The following POU2AF3 variants were observed in gnomAD, a reference collection of about 807,000 sequenced individuals.
POU2AF3 encodes cancer susceptibility candidate 13.
the POU2AF3 span, chr11:111,306,593 G>A: frequency 6.4e-7 from 1 of 1,551,652 alleles, no homozygotes; most frequent in East Asian, 2.4e-5. Flanking sequence ...ACAGCTTCCA[G>A]GCCACCCCTT....
the POU2AF3 span, chr11:111,306,725 C>A: frequency 1.1e-6 from 1 of 872,392 alleles, no homozygotes; most frequent in Non-Finnish European, 1.8e-6. Context: ...CAAAAACTAT[C>A]AGCAAGGAAA....
chr11:111,304,346 C>T, the POU2AF3 span, among the ~76,000 whole-genome samples: 2 of 152,054 alleles, frequency 1.3e-5, no homozygotes, highest in Admixed American at 6.5e-5. Flanking sequence ...AATTTTAAAT[C>T]GAATAGTTTA....
the POU2AF3 span, chr11:111,298,824 A>AGGGGGGGGGGGGGG: frequency 4.4e-6 from 4 of 903,144 alleles, no homozygotes; most frequent in Non-Finnish European, 5.8e-6. Flanking sequence ...CGCGTACCCC[A>AGGGGGGGGGGGGGG]GGCCCCCGCC....
the POU2AF3 span, chr11:111,300,115 A>G: frequency 2.6e-6 from 1 of 380,178 alleles, no homozygotes; most frequent in Non-Finnish European, 4.7e-6. Context: ...CCCCTGCCCC[A>G]GGCCTGGCCC....
chr11:111,305,059 C>A, the POU2AF3 span: 6 of 939,932 alleles, frequency 6.4e-6, no homozygotes, highest in South Asian at 5.4e-5. Flanking sequence ...AGTCTTGATT[C>A]AGGGGTTAAG....
At chr11:111,303,735 G>GT in the POU2AF3 span, among the ~76,000 whole-genome samples, 1 of 152,168 alleles carries the variant, frequency 6.6e-6, no homozygotes, top group Non-Finnish European at 1.5e-5. Flanking sequence ...ACTGCCTCCT[G>GT]TTTCAGCAGT....
the POU2AF3 span, among the ~76,000 whole-genome samples, chr11:111,300,904 C>T: frequency 1.3e-5 from 2 of 152,218 alleles, no homozygotes; most frequent in East Asian, 3.9e-4. Flanking sequence ...GGGGGAGGAG[C>T]GGCCAGCAGG....
the POU2AF3 span, chr11:111,300,361 C>A: frequency 5.6e-6 from 2 of 359,176 alleles, no homozygotes; most frequent in Admixed American, 4.7e-5. Context: ...TTCATTCTTT[C>A]AAGTTTGAAA....
At chr11:111,299,854 G>T in the POU2AF3 span, 8 of 642,900 alleles carry the variant, frequency 1.2e-5, no homozygotes, top group Non-Finnish European at 1.6e-5. Context: ...AGAAGGGAGC[G>T]AGGGAGGGAG....
the POU2AF3 span, chr11:111,298,996 C>A: frequency 2.0e-6 from 2 of 998,030 alleles, no homozygotes; most frequent in Non-Finnish European, 2.4e-6. Context: ...TGCGCGGACC[C>A]CGAGGGGCGC....
At chr11:111,303,555 G>A in the POU2AF3 span, among the ~76,000 whole-genome samples, 3 of 152,252 alleles carry the variant, frequency 2.0e-5, no homozygotes, top group African/African-American at 2.4e-5. Flanking sequence ...AGGCCAATCC[G>A]GGGGAGGAAT....
chr11:111,300,731 C>G, the POU2AF3 span: 4 of 452,440 alleles, frequency 8.8e-6, no homozygotes, highest in Non-Finnish European at 1.4e-5. Context: ...CATTCCCAGA[C>G]CTGGCCTTCC....
At chr11:111,301,995 T>C in the POU2AF3 span, among the ~76,000 whole-genome samples, 1 of 152,144 alleles carries the variant, frequency 6.6e-6, no homozygotes, top group Non-Finnish European at 1.5e-5. Flanking sequence ...TGTGCAGAAT[T>C]TCAGGTAACG....
At chr11:111,299,710 C>T in the POU2AF3 span, 1 of 1,232,008 alleles carries the variant, frequency 8.1e-7, no homozygotes, top group Non-Finnish European at 1.0e-6. Flanking sequence ...AACGCCTGCC[C>T]CAGAAAGGGA....
At chr11:111,306,599 C>G in the POU2AF3 span, 14 of 1,551,692 alleles carry the variant, frequency 9.0e-6, no homozygotes, top group Non-Finnish European at 1.1e-5. Flanking sequence ...TCCAGGCCAC[C>G]CCTTTCTGCT....
chr11:111,305,163 ATGT>A, the POU2AF3 span: 1 of 396,746 alleles, frequency 2.5e-6, no homozygotes, highest in Admixed American at 4.4e-5. Context: ...ACAAGCATAA[ATGT>A]TGTCTTCATT....
At chr11:111,304,917 TGC>T in the POU2AF3 span, 1 of 1,232,052 alleles carries the variant, frequency 8.1e-7, no homozygotes. Flanking sequence ...GTGATATTCT[TGC>T]TTTGACAGCG....
the POU2AF3 span, chr11:111,298,838 C>A: frequency 2.7e-6 from 3 of 1,118,630 alleles, no homozygotes; most frequent in African/African-American, 1.6e-5. Context: ...CCCCGCCCGC[C>A]CTCCCACGTA....
chr11:111,299,416 T>C, the POU2AF3 span: 6 of 1,016,388 alleles, frequency 5.9e-6, no homozygotes, highest in South Asian at 1.9e-4. Flanking sequence ...CGGCTCGGCT[T>C]GGCCTAACAG....
Sources: allele counts gnomAD v4.1 joint callset (sites outside exome capture counted in the v4.1 genomes callset), GRCh38; gene constraint gnomAD v4.1.1; transcripts MANE v1.5; gene names NCBI Gene and HGNC (gene_info 2026-07-23, HGNC 2026-07-21).